The following RTN4RL1 variants were observed in gnomAD, a reference collection of about 807,000 sequenced individuals.
RTN4RL1 encodes reticulon-4 receptor-like 1.
Under a neutral mutation model 25.6 loss-of-function variants are expected in RTN4RL1, and 7 were observed. The ratio of observed to expected loss-of-function variants is 0.27; its 90% CI spans 0.16 to 0.51. The LOEUF (loss-of-function observed/expected upper bound fraction) is 0.51, where lower values mean the gene tolerates loss of function less well. Among genes scored for constraint, RTN4RL1 ranks in the 20% least tolerant of loss-of-function variants. RTN4RL1 has a pLI of 0.97. For synonymous variants in RTN4RL1, 297 were observed against 288.2 expected (o/e 1.03, Z -0.31); for missense variants, 500 against 615.6 (o/e 0.81, Z 1.99).
chr17:1,984,840 A>G (rs4239068), intron 1 of RTN4RL1, among the ~76,000 whole-genome samples: 104,446 of 151,942 alleles, frequency 0.69, 36,190 homozygotes, highest in African/African-American at 0.76. Flanking sequence ...GGTAGCACAC[A>G]CCTGTAATCC....
intron 1 of RTN4RL1, among the ~76,000 whole-genome samples, chr17:1,971,368 C>A (rs547157695): frequency 6.6e-6 from 1 of 152,192 alleles, no homozygotes; most frequent in Non-Finnish European, 1.5e-5. Context: ...AAACCTCTTT[C>A]GTTTATAAAT....
At position 1,998,266 on chromosome 17, in the gene RTN4RL1, G is replaced by C. The variant is rs952863529; in HGVS notation, c.13+26587C>G. ...AGCTGCAGGGCGAGGGCGGTGCCCA[G>C]ACCCGGCGCCCCAAGGCCTCCCGCA... is the stretch of plus-strand genomic sequence containing the variant. On this transcript the variant is annotated intron_variant, in intron 1 of 1. Transcript: ENST00000331238. This position sits in a 1 kb window ranked among gnomAD's most constrained non-coding sequence, Gnocchi z 4.9. 6.6e-6 allele frequency among the ~76,000 whole-genome samples: 1 copy of C among 152,148 alleles called. No homozygotes were observed. Among genetic ancestry groups the C allele is most frequent in the South Asian group, 2.1e-4 (1 of 4,832 alleles).
chr17:1,937,940 C>A lies in RTN4RL1; in HGVS notation c.14-132G>T, dbSNP rs1915347227. The A allele has an allele frequency of 4.2e-5, 33 of 787,984 alleles. 1 individual carries two copies. In the South Asian group the frequency reaches 6.1e-4, roughly 15 times the overall value. The allele number at this position is 787,984 out of a possible 1,614,324, so 48.8% of individuals were successfully genotyped here. A position where few individuals can be genotyped will look rare whatever the true frequency, so the allele number is the denominator to read the frequency against. On this transcript the variant is annotated intron_variant, in intron 1 of 1. Coordinates refer to ENST00000331238, the MANE Select transcript of RTN4RL1 (RefSeq NM_178568.4). ...GTGAGAGCCTTGTCCCTGGCTGGAG[C>A]AAGGCCAGGGTCAAGGCCCAAGCCT... is the stretch of plus-strand genomic sequence containing the variant.
chr17:2,012,311 TC>T (rs1201581477), intron 1 of RTN4RL1, among the ~76,000 whole-genome samples: 1 of 152,210 alleles, frequency 6.6e-6, no homozygotes, highest in African/African-American at 2.4e-5. Flanking sequence ...GGCCAGTCTT[TC>T]CGTGCCTGCT....
chr17:1,936,220 T>A lies in RTN4RL1; in HGVS notation c.*276A>T. 7.9e-7 allele frequency: 1 copy of A among 1,264,760 alleles called. No homozygotes were observed. The allele number at this position is 1,264,760 out of a possible 1,614,324, so 78.3% of individuals were successfully genotyped here. On this transcript the variant is annotated 3_prime_UTR_variant, in exon 2 of 2. Transcript: ENST00000331238. ...TTGCCAGTGGAGGATGCACTTGGAG[T>A]GCCTTTTCCCACCTTGCCAGAGTGG...
chr17:1,937,957 C>A, intron 1 of RTN4RL1, 149 bp from the exon 2 acceptor site: 1 of 718,078 alleles, frequency 1.4e-6, no homozygotes, highest in Non-Finnish European at 2.2e-6. Context: ...AGGGTCAAGG[C>A]CCAAGCCTGG....
At chr17:1,968,224 G>A (rs1003569576) in intron 1 of RTN4RL1, among the ~76,000 whole-genome samples, 1 of 152,136 alleles carries the variant, frequency 6.6e-6, no homozygotes, top group South Asian at 2.1e-4. Flanking sequence ...CCTGGAGGCT[G>A]CCCCCTCAGC....
At chr17:1,978,794 C>G (rs534650337) in intron 1 of RTN4RL1, among the ~76,000 whole-genome samples, 1 of 152,346 alleles carries the variant, frequency 6.6e-6, no homozygotes, top group African/African-American at 2.4e-5. Context: ...CCCAGAGTTG[C>G]TGCAGAGAAT....
At chr17:2,015,309 C>T (rs558351826) in intron 1 of RTN4RL1, among the ~76,000 whole-genome samples, 16 of 152,182 alleles carry the variant, frequency 1.1e-4, no homozygotes, top group Admixed American at 8.5e-4. Flanking sequence ...TCAGACACGC[C>T]GGGTTTGAGA....
intron 1 of RTN4RL1, among the ~76,000 whole-genome samples, chr17:1,940,203 G>A (rs535508207): frequency 3.8e-4 from 58 of 152,318 alleles, no homozygotes; most frequent in African/African-American, 1.2e-3. Context: ...ACCCGGCTTC[G>A]ACTGAACATT....
At chr17:1,995,564 T>C (rs998793496) in intron 1 of RTN4RL1, 1 of 152,192 alleles carries the variant, frequency 6.6e-6, no homozygotes, top group African/African-American at 2.4e-5. Context: ...ATGAGGGAGC[T>C]GACTCTCACT....
At chr17:2,017,709 A>ACACG (rs1555522600) in intron 1 of RTN4RL1, 18,179 of 145,594 alleles carry the variant, frequency 0.12, 1,389 homozygotes, top group Admixed American at 0.17. Context: ...ACACACACGC[A>ACACG]CACACACTAT....
intron 1 of RTN4RL1, among the ~76,000 whole-genome samples, chr17:2,002,417 C>T (rs577552709): frequency 0.028 from 4,160 of 150,402 alleles, 127 homozygotes; most frequent in Admixed American, 0.085. Flanking sequence ...CTCAGCCTCC[C>T]GAGTAGCTGG....
intron 1 of RTN4RL1, among the ~76,000 whole-genome samples, chr17:1,979,505 AAAG>A (rs1306799724): frequency 2.3e-5 from 2 of 85,396 alleles, no homozygotes; most frequent in Non-Finnish European, 4.6e-5. Flanking sequence ...ACAAAGAAGG[AAAG>A]AAAAGAAATG....
chr17:2,008,734 T>G lies in RTN4RL1; in HGVS notation c.13+16119A>C, dbSNP rs993508602. Among the ~76,000 whole-genome samples the G allele has an allele frequency of 3.9e-5, 6 of 152,274 alleles. 1 individual carries two copies. The highest frequency in any genetic ancestry group is 1.4e-4 in the African/African-American group (6 of 41,544). ...CGTGGCACGAACAGTGACTGTGGCCTAAGCACGGGTTGTCGCGTTGCTCTC... is the reference window on the plus strand; with the variant it reads ...CGTGGCACGAACAGTGACTGTGGCCGAAGCACGGGTTGTCGCGTTGCTCTC... On this transcript the variant is annotated intron_variant, in intron 1 of 1. Coordinates refer to ENST00000331238, the MANE Select transcript of RTN4RL1 (RefSeq NM_178568.4).
At chr17:2,022,169 A>G (rs900101798) in intron 1 of RTN4RL1, among the ~76,000 whole-genome samples, 3 of 151,954 alleles carry the variant, frequency 2.0e-5, no homozygotes, top group Admixed American at 2.0e-4. Context: ...ACAAAAAATG[A>G]GTCAAGCATG....
chr17:1,973,635 A>T (rs953913757), intron 1 of RTN4RL1, among the ~76,000 whole-genome samples: 9 of 152,160 alleles, frequency 5.9e-5, no homozygotes, highest in African/African-American at 1.9e-4. Context: ...CCAAGGACAG[A>T]CGTGACTGAC....
At chr17:1,941,501 G>A (rs901722785) in intron 1 of RTN4RL1, among the ~76,000 whole-genome samples, 26 of 152,154 alleles carry the variant, frequency 1.7e-4, no homozygotes, top group African/African-American at 5.6e-4. Context: ...CATTGTATCA[G>A]GGGCCTGGGG....
Position 1,994,029 on chromosome 17 carries a change from GC to G in RTN4RL1, c.13+30823del, listed in dbSNP as rs1035085530. ...ACAGCAGAACTGGTAGAAAAACAAA[GC>G]CCCCCAGTCCCCACCCCCGGCTACG... On this transcript the variant is annotated intron_variant, in intron 1 of 1. Coordinates refer to ENST00000331238, the MANE Select transcript of RTN4RL1 (RefSeq NM_178568.4). The surrounding 1 kb of genome is among the most constrained non-coding windows in gnomAD (Gnocchi z 4.3). 1.3e-5 allele frequency among the ~76,000 whole-genome samples: 2 copies of G among 152,020 alleles called. No individual in the cohort carries two copies. The highest frequency in any genetic ancestry group is 4.8e-5 in the African/African-American group (2 of 41,376).
Sources: allele counts gnomAD v4.1 joint callset (sites outside exome capture counted in the v4.1 genomes callset), GRCh38; gene constraint gnomAD v4.1.1; non-coding constraint Gnocchi (gnomAD v3.1); transcripts MANE v1.5; gene names NCBI Gene and HGNC (gene_info 2026-07-23, HGNC 2026-07-21).